The following GPR39 variants were observed in gnomAD, a reference collection of about 807,000 sequenced individuals.
The protein encoded by GPR39 is zinc sensing receptor.
GPR39 carries 23 observed loss-of-function variants against 18.4 expected under a neutral mutation model. That is an observed-to-expected ratio of 1.25 (90% CI 0.90 to 1.77). The LOEUF (loss-of-function observed/expected upper bound fraction) is 1.77. Among genes scored for constraint, GPR39 ranks in the 40% most tolerant of loss-of-function variants. The probability of loss-of-function intolerance (pLI) is 0.00; values close to 1 mark genes in which losing one functional copy is unlikely to be tolerated. For synonymous variants in GPR39, 280 were observed against 257.9 expected (o/e 1.09, Z -0.82); for missense variants, 647 against 602.4 (o/e 1.07, Z -0.78).
intron 1 of GPR39, among the ~76,000 whole-genome samples, chr2:132,578,687 G>T (rs766361134): frequency 2.0e-5 from 3 of 152,074 alleles, no homozygotes; most frequent in Non-Finnish European, 4.4e-5. Flanking sequence ...CACTCCAGAT[G>T]AACTAGATTG....
intron 1 of GPR39, among the ~76,000 whole-genome samples, chr2:132,501,477 A>G (rs1254571388): frequency 6.6e-6 from 1 of 152,030 alleles, no homozygotes; most frequent in Non-Finnish European, 1.5e-5. Context: ...AAATTTAGTG[A>G]GACTTGTTTT....
At chr2:132,498,186 T>C (rs780550127) in intron 1 of GPR39, among the ~76,000 whole-genome samples, 3 of 152,220 alleles carry the variant, frequency 2.0e-5, no homozygotes, top group Non-Finnish European at 4.4e-5. Context: ...GGTGCACTCA[T>C]CACCCAACCA....
intron 1 of GPR39, among the ~76,000 whole-genome samples, chr2:132,570,283 C>G (rs1006288272): frequency 1.3e-5 from 2 of 152,204 alleles, no homozygotes; most frequent in Non-Finnish European, 2.9e-5. Context: ...ACACCCCCCA[C>G]TACCCCTCGT....
At chr2:132,545,322 C>T (rs1371249441) in intron 1 of GPR39, among the ~76,000 whole-genome samples, 1 of 152,190 alleles carries the variant, frequency 6.6e-6, no homozygotes, top group Non-Finnish European at 1.5e-5. Context: ...GCCAGGCAGT[C>T]CATGTGAGGC....
intron 1 of GPR39, among the ~76,000 whole-genome samples, chr2:132,507,468 G>A (rs908073957): frequency 3.9e-5 from 6 of 152,062 alleles, no homozygotes; most frequent in African/African-American, 1.4e-4. Context: ...TTTCTTCCTT[G>A]TTTTAAGTAT....
chr2:132,638,164 G>A (rs1287028316), intron 1 of GPR39, among the ~76,000 whole-genome samples: 1 of 152,238 alleles, frequency 6.6e-6, no homozygotes, highest in East Asian at 1.9e-4. Flanking sequence ...AAGAAGACAG[G>A]ATGAGGAAGA....
At chr2:132,553,389 AGTG>A (rs1680090250) in intron 1 of GPR39, among the ~76,000 whole-genome samples, 1 of 149,348 alleles carries the variant, frequency 6.7e-6, no homozygotes, top group Non-Finnish European at 1.5e-5. Flanking sequence ...GTATATATAT[AGTG>A]TATATATACG....
At chr2:132,499,882 T>A (rs1266044490) in intron 1 of GPR39, among the ~76,000 whole-genome samples, 1 of 152,212 alleles carries the variant, frequency 6.6e-6, no homozygotes, top group Non-Finnish European at 1.5e-5. Flanking sequence ...GATTCTCATC[T>A]TGGTCACTGT....
intron 1 of GPR39, among the ~76,000 whole-genome samples, chr2:132,449,683 A>G (rs72999269): frequency 0.019 from 2,832 of 152,028 alleles, 97 homozygotes; most frequent in African/African-American, 0.06. Flanking sequence ...TTTGTTCCTC[A>G]GTTGAACTGA....
intron 1 of GPR39, among the ~76,000 whole-genome samples, chr2:132,438,615 T>G (rs1680377534): frequency 6.9e-6 from 1 of 144,160 alleles, no homozygotes; most frequent in Non-Finnish European, 1.5e-5. Flanking sequence ...TTTTGAGTGT[T>G]GTAGAAAAAA....
chr2:132,422,837 A>G (rs560661185), intron 1 of GPR39, among the ~76,000 whole-genome samples: 1 of 152,090 alleles, frequency 6.6e-6, no homozygotes, highest in Admixed American at 6.5e-5. Context: ...AGAGATGCAT[A>G]GTTTCCGAGG....
chr2:132,450,121 G>T (rs1202721501), intron 1 of GPR39, among the ~76,000 whole-genome samples: 1 of 152,174 alleles, frequency 6.6e-6, no homozygotes, highest in African/African-American at 2.4e-5. Context: ...TATCACCCAG[G>T]CTCTGGCAGG....
At chr2:132,462,382 CAG>C (rs939894016) in intron 1 of GPR39, among the ~76,000 whole-genome samples, 76 of 152,308 alleles carry the variant, frequency 5.0e-4, no homozygotes, top group African/African-American at 1.7e-3. Flanking sequence ...ACCTACTTCT[CAG>C]GGGTAAACTG....
chr2:132,627,476 C>T (rs1238385365), intron 1 of GPR39, among the ~76,000 whole-genome samples: 1 of 152,142 alleles, frequency 6.6e-6, no homozygotes, highest in Non-Finnish European at 1.5e-5. Context: ...TAATATTTAT[C>T]AAATGTCAAT....
chr2:132,417,718 G>A lies in GPR39; in HGVS notation c.676G>A (p.Gly226Ser). Residue 226 changes from glycine to serine, a missense_variant, in exon 1 of 2, where the codon GGC becomes AGC. Physicochemically the swap from Gly to Ser is moderately conservative, Grantham distance 56. This residue lies in a region of GPR39 where 581 missense variants were observed against 506.8 expected (regional missense o/e 1.15). Transcript: ENST00000329321. ...GACCGTGTTCCAGTCCAGCATCTTC[G>A]GCGCCTTCGTGGTCTACCTCGTGGT... ...RWTVFQSSIF[G>S]AFVVYLVVLL... 6.2e-7 allele frequency: 1 copy of A among 1,614,140 alleles called. No individual in the cohort carries two copies. Among genetic ancestry groups the A allele is most frequent in the Non-Finnish European group, 8.5e-7 (1 of 1,180,028 alleles).
intron 1 of GPR39, among the ~76,000 whole-genome samples, chr2:132,427,398 AC>A (rs1680146522): frequency 6.7e-6 from 1 of 149,738 alleles, no homozygotes; most frequent in African/African-American, 2.4e-5. Context: ...CGATCTCCTG[AC>A]CTCGTGATCC....
At chr2:132,487,398 CAT>C (rs1405260381) in intron 1 of GPR39, among the ~76,000 whole-genome samples, 1 of 152,180 alleles carries the variant, frequency 6.6e-6, no homozygotes, top group Admixed American at 6.5e-5. Context: ...AGTGTTGCCA[CAT>C]GTCTTCAATT....
At chr2:132,570,838 G>T (rs1680429793) in intron 1 of GPR39, among the ~76,000 whole-genome samples, 1 of 152,120 alleles carries the variant, frequency 6.6e-6, no homozygotes, top group Non-Finnish European at 1.5e-5. Context: ...CACCCCCGTT[G>T]GTTCAAATTC....
At chr2:132,611,388 T>C (rs1312250419) in intron 1 of GPR39, among the ~76,000 whole-genome samples, 1 of 152,236 alleles carries the variant, frequency 6.6e-6, no homozygotes, top group Non-Finnish European at 1.5e-5. Context: ...AAGCACTCTT[T>C]CTCACTGCCG....
Sources: gnomAD v4.1 joint callset for allele counts (sites outside exome capture counted in the v4.1 genomes callset) on GRCh38, gnomAD v4.1.1 for gene constraint, gnomAD v4.1.1 regional missense constraint, MANE v1.5 for transcripts, NCBI Gene and HGNC (gene_info 2026-07-23, HGNC 2026-07-21) for gene names.